Variants in KCNH8 observed in about 807,000 individuals in gnomAD.
The protein encoded by KCNH8 is voltage-gated delayed rectifier potassium channel KCNH8.
In KCNH8, 70 loss-of-function variants were observed where a neutral mutation model predicts 103.6. That is an observed-to-expected ratio of 0.68 (90% CI 0.56 to 0.82). The LOEUF is 0.82. Among genes scored for constraint, KCNH8 ranks in the 40% least tolerant of loss-of-function variants. The pLI, the probability that KCNH8 is intolerant of heterozygous loss-of-function variation, is 0.00. For synonymous variants in KCNH8, 498 were observed against 489.4 expected (o/e 1.02, Z -0.23); for missense variants, 1,217 against 1,329.9 (o/e 0.92, Z 1.32).
chr3:19,357,014 A>T (rs538167806), intron 5 of KCNH8, among the ~76,000 whole-genome samples: 1 of 152,030 alleles, frequency 6.6e-6, no homozygotes, highest in South Asian at 2.1e-4. Flanking sequence ...TTTAAAAAAA[A>T]GCAATTTTTT....
At chr3:19,254,471 A>C (rs2125253868) in intron 2 of KCNH8, among the ~76,000 whole-genome samples, 1 of 152,270 alleles carries the variant, frequency 6.6e-6, no homozygotes, top group Admixed American at 6.5e-5. Flanking sequence ...CTTGGGCTCC[A>C]AACTGCCTCT....
intron 7 of KCNH8, among the ~76,000 whole-genome samples, chr3:19,424,408 A>G (rs543894083): frequency 2.0e-5 from 3 of 152,322 alleles, no homozygotes; most frequent in East Asian, 1.9e-4. Flanking sequence ...GGCAAGCCAC[A>G]TGTGGAAGAA....
intron 1 of KCNH8, among the ~76,000 whole-genome samples, chr3:19,149,055 C>T (rs1325857040): frequency 1.3e-5 from 2 of 152,070 alleles, no homozygotes; most frequent in Admixed American, 6.6e-5. Flanking sequence ...AGACCGACGC[C>T]CGTATTCACT....
chr3:19,319,575 G>A (rs955520319), intron 3 of KCNH8, among the ~76,000 whole-genome samples: 1 of 152,006 alleles, frequency 6.6e-6, no homozygotes, highest in Non-Finnish European at 1.5e-5. Flanking sequence ...TGGCCTTATA[G>A]TGTAGTTTAA....
chr3:19,297,809 G>T (rs887548200), intron 3 of KCNH8, among the ~76,000 whole-genome samples: 3 of 152,234 alleles, frequency 2.0e-5, no homozygotes, highest in African/African-American at 7.2e-5. Context: ...CTTCAGTCAA[G>T]TGATTTCATT....
At chr3:19,165,763 A>T (rs2063277096) in intron 1 of KCNH8, among the ~76,000 whole-genome samples, 1 of 152,162 alleles carries the variant, frequency 6.6e-6, no homozygotes, top group African/African-American at 2.4e-5. Flanking sequence ...GTGGGGAGTA[A>T]TCTAATCCAA....
At chr3:19,450,486 A>G (rs951726484) in intron 9 of KCNH8, 181 bp downstream of exon 9, 11 of 608,112 alleles carry the variant, frequency 1.8e-5, no homozygotes, top group Non-Finnish European at 3.2e-5. Context: ...TGTTTTCACA[A>G]TGCCAATTTG....
chr3:19,512,364 G>C (rs1332124314), intron 12 of KCNH8, among the ~76,000 whole-genome samples: 1 of 152,152 alleles, frequency 6.6e-6, no homozygotes, highest in Non-Finnish European at 1.5e-5. Flanking sequence ...CTTTTCAAAG[G>C]AAGCAGACCA....
intron 3 of KCNH8, among the ~76,000 whole-genome samples, chr3:19,313,560 T>C (rs996696045): frequency 2.6e-5 from 4 of 151,934 alleles, no homozygotes; most frequent in African/African-American, 9.7e-5. Context: ...AAATCTCCCA[T>C]CTGAACTCAC....
intron 2 of KCNH8, among the ~76,000 whole-genome samples, chr3:19,258,939 CTCTCTCTCTATATATA>C (rs1267198593): frequency 9.7e-4 from 72 of 74,092 alleles, no homozygotes; most frequent in Middle Eastern, 5.8e-3. Context: ...CTCTCTCTCT[CTCTCTCTCTATATATA>C]TATATATATA....
At chr3:19,379,834 CCTAAGTATTGTAG>C (rs1262679140) in intron 5 of KCNH8, among the ~76,000 whole-genome samples, 1 of 151,962 alleles carries the variant, frequency 6.6e-6, no homozygotes, top group Non-Finnish European at 1.5e-5. Flanking sequence ...TCCTGAGTAA[CCTAAGTATTGTAG>C]CACTTTCTGA....
chr3:19,376,200 C>A (rs528094215), intron 5 of KCNH8, among the ~76,000 whole-genome samples: 9 of 152,206 alleles, frequency 5.9e-5, no homozygotes, highest in South Asian at 2.1e-4. Flanking sequence ...CCCCCAGCCT[C>A]GCTGCCGCCT....
intron 11 of KCNH8, among the ~76,000 whole-genome samples, chr3:19,471,443 T>C (rs1266278999): frequency 1.3e-5 from 2 of 152,154 alleles, no homozygotes; most frequent in African/African-American, 4.8e-5. Context: ...AGTGCAGTGT[T>C]TGCCCTCTGT....
At chr3:19,330,396 G>T in intron 3 of KCNH8, among the ~76,000 whole-genome samples, 1 of 152,220 alleles carries the variant, frequency 6.6e-6, no homozygotes, top group East Asian at 1.9e-4. Flanking sequence ...TCTAGACGAA[G>T]TCAGAAATTG....
intron 1 of KCNH8, among the ~76,000 whole-genome samples, chr3:19,244,978 A>T (rs1167194810): frequency 6.6e-6 from 1 of 152,082 alleles, no homozygotes; most frequent in Non-Finnish European, 1.5e-5. Flanking sequence ...CCCACTTGTC[A>T]GTTTTTATTT....
intron 1 of KCNH8, among the ~76,000 whole-genome samples, chr3:19,190,278 A>G (rs2063538761): frequency 6.6e-6 from 1 of 151,944 alleles, no homozygotes; most frequent in South Asian, 2.1e-4. Flanking sequence ...TTGTATCAGC[A>G]GCTGTTCTTC....
intron 3 of KCNH8, among the ~76,000 whole-genome samples, chr3:19,333,868 T>A (rs1425901257): frequency 1.3e-5 from 2 of 152,190 alleles, no homozygotes; most frequent in Non-Finnish European, 2.9e-5. Context: ...CTTGTAGTCA[T>A]TTTTGTGTAT....
At chr3:19,202,812 A>G (rs2063677000) in intron 1 of KCNH8, among the ~76,000 whole-genome samples, 1 of 152,160 alleles carries the variant, frequency 6.6e-6, no homozygotes, top group Non-Finnish European at 1.5e-5. Flanking sequence ...TTGAAATGTT[A>G]GGTACTAAAT....
rs186334193 is a variant in KCNH8 at position 19,206,083 on chromosome 3, T to A, written c.77-47571T>A. On this transcript the variant is annotated intron_variant, in intron 1 of 15. Transcript: ENST00000328405. ...GGATGTTTGGTTTTCCATTCCTGAGTTACTTCACTTAGAGTAACAGTCTCC... is the reference window on the plus strand; with the variant it reads ...GGATGTTTGGTTTTCCATTCCTGAGATACTTCACTTAGAGTAACAGTCTCC... 1.6e-3 allele frequency among the ~76,000 whole-genome samples: 243 copies of A among 151,220 alleles called. 2 individuals are homozygous for A. Among genetic ancestry groups the A allele is most frequent in the Non-Finnish European group, 3.1e-3 (210 of 67,904 alleles).
Sources: allele counts gnomAD v4.1 joint callset (sites outside exome capture counted in the v4.1 genomes callset), GRCh38; gene constraint gnomAD v4.1.1; transcripts MANE v1.5; gene names NCBI Gene and HGNC (gene_info 2026-07-23, HGNC 2026-07-21).